Variants in TBL1XR1 observed in about 807,000 individuals in gnomAD.
TBL1XR1 encodes F-box-like/WD repeat-containing protein TBL1XR1.
TBL1XR1 carries 5 observed loss-of-function variants against 66.9 expected under a neutral mutation model. The ratio of observed to expected loss-of-function variants is 0.07; its 90% CI spans 0.04 to 0.16. The LOEUF (loss-of-function observed/expected upper bound fraction) is 0.16, where lower values mean the gene tolerates loss of function less well. Ranked by LOEUF, TBL1XR1 falls within the 10% of genes least tolerant of loss-of-function variation. TBL1XR1 has a pLI of 1.00. For missense variants in TBL1XR1, 238 were observed against 623.2 expected (o/e 0.38, Z 6.58); for synonymous variants, 210 against 206.0 (o/e 1.02, Z -0.17).
At chr3:177,047,193 G>C (rs1234043248) in intron 9 of TBL1XR1, 107 bp downstream of exon 9, 2 of 917,682 alleles carry the variant, frequency 2.2e-6, no homozygotes, top group East Asian at 2.7e-5. Flanking sequence ...ATTCCTATGT[G>C]AATTTCCCAA....
At chr3:177,101,287 A>AT (rs1724180256) in intron 1 of TBL1XR1, among the ~76,000 whole-genome samples, 1 of 149,318 alleles carries the variant, frequency 6.7e-6, no homozygotes, top group Admixed American at 6.7e-5. Context: ...TTTTAGATGC[A>AT]ATTTTTTTTT....
At chr3:177,055,182 T>C (rs1200458744) in intron 3 of TBL1XR1, among the ~76,000 whole-genome samples, 1 of 152,168 alleles carries the variant, frequency 6.6e-6, no homozygotes, top group African/African-American at 2.4e-5. Flanking sequence ...TTTTAGTGTT[T>C]AGTAATGTCT....
In TBL1XR1 at chr3:177,082,980, G is replaced by A. The variant is rs149278043; in HGVS notation, c.-46+15486C>T. On this transcript the variant is annotated intron_variant, in intron 2 of 15. Coordinates refer to ENST00000457928, the MANE Select transcript of TBL1XR1 (RefSeq NM_024665.7). ...TCAACGTGTTAGCCAGGATGGTCTC[G>A]ATCTCCTGACCTCGTGATCCATCCG... Among the ~76,000 whole-genome samples, 242 of 151,120 alleles carry A rather than the reference G, an allele frequency of 1.6e-3. 3 individuals are homozygous for A. The highest frequency in any genetic ancestry group is 3.8e-3 in the African/African-American group (155 of 41,200).
chr3:177,103,636 A>G (rs1724507959), intron 1 of TBL1XR1, among the ~76,000 whole-genome samples: 1 of 152,206 alleles, frequency 6.6e-6, no homozygotes, highest in Non-Finnish European at 1.5e-5. Context: ...TATTTAATTT[A>G]TAGATAACTT....
chr3:177,199,998 G>A (rs1487726687), upstream of TBL1XR1, among the ~76,000 whole-genome samples: 1 of 151,710 alleles, frequency 6.6e-6, no homozygotes, highest in Non-Finnish European at 1.5e-5. Context: ...TTTAGGTGGA[G>A]TTTCGCTCTT....
At chr3:177,086,426 G>C (rs1722127254) in intron 2 of TBL1XR1, among the ~76,000 whole-genome samples, 1 of 151,802 alleles carries the variant, frequency 6.6e-6, no homozygotes, top group African/African-American at 2.4e-5. Context: ...GGTGGGGGAG[G>C]GGAGCCAATA....
rs929365753 is a variant in TBL1XR1 at position 177,025,341 on chromosome 3, A to G, written c.*157T>C. The G allele has an allele frequency of 5.5e-6, 3 of 547,298 alleles. No individual in the cohort carries two copies. The highest frequency in any genetic ancestry group is 9.0e-6 in the Non-Finnish European group (3 of 333,292). The allele number at this position is 547,298 out of a possible 1,614,324, so 33.9% of individuals were successfully genotyped here. A position where few individuals can be genotyped will look rare whatever the true frequency, so the allele number is the denominator to read the frequency against. ...AAAACTCTGTCATCTTCAGGGTGCAATTTTGTTTATATACACTGTATGTAT... is the reference window on the plus strand; with the variant it reads ...AAAACTCTGTCATCTTCAGGGTGCAGTTTTGTTTATATACACTGTATGTAT... On this transcript the variant is annotated 3_prime_UTR_variant, in exon 16 of 16. Coordinates refer to ENST00000457928, the MANE Select transcript of TBL1XR1 (RefSeq NM_024665.7).
chr3:177,141,047 TG>T (rs1320776014), intron 1 of TBL1XR1, among the ~76,000 whole-genome samples: 7 of 152,152 alleles, frequency 4.6e-5, no homozygotes, highest in African/African-American at 1.7e-4. Flanking sequence ...TATATTTAAC[TG>T]GAAAAAGAAA....
Position 177,169,130 on chromosome 3 carries a change from T to TA in TBL1XR1, c.-122+27990dup, listed in dbSNP as rs1400157704. On this transcript the variant is annotated intron_variant, in intron 1 of 15. Coordinates refer to ENST00000457928, the MANE Select transcript of TBL1XR1 (RefSeq NM_024665.7). ...TAGTAATTACATTTTATCATTTTCT[T>TA]AATGTTGTTCATTAATCAATAGCGA... 3.9e-5 allele frequency among the ~76,000 whole-genome samples: 6 copies of TA among 152,326 alleles called. No homozygotes were observed. The South Asian group carries it at 1.2e-3, about 32-fold the overall frequency.
At chr3:177,165,164 CA>C (rs547625073) in intron 1 of TBL1XR1, among the ~76,000 whole-genome samples, 13 of 151,266 alleles carry the variant, frequency 8.6e-5, no homozygotes, top group Admixed American at 3.3e-4. Flanking sequence ...AAAGAACTGA[CA>C]AAAAAAACTC....
At position 177,176,771 on chromosome 3, in the gene TBL1XR1, C is replaced by T. The variant is rs578206872; in HGVS notation, c.-122+20350G>A. On this transcript the variant is annotated intron_variant, in intron 1 of 15. Coordinates refer to ENST00000457928, the MANE Select transcript of TBL1XR1 (RefSeq NM_024665.7). Reference sequence around the variant, plus strand: ...CAGAGGTTGCAGTGAGCCAAGATTGCGCCACTGCACTCCAGCCTGGGCAGA... The same window carrying T: ...CAGAGGTTGCAGTGAGCCAAGATTGTGCCACTGCACTCCAGCCTGGGCAGA... 3.3e-5 allele frequency among the ~76,000 whole-genome samples: 5 copies of T among 152,042 alleles called. No individual in the cohort carries two copies. In the South Asian group the frequency reaches 6.2e-4, roughly 19 times the overall value.
intron 15 of TBL1XR1, among the ~76,000 whole-genome samples, 177 bp from the exon 16 acceptor site, chr3:177,025,701 C>T (rs1385574520): frequency 6.6e-6 from 1 of 152,050 alleles, no homozygotes; most frequent in Non-Finnish European, 1.5e-5. Context: ...ATCATTTAAG[C>T]AGATCAAGAG....
intron 1 of TBL1XR1, among the ~76,000 whole-genome samples, chr3:177,193,468 G>T (rs550510938): frequency 6.6e-6 from 1 of 152,024 alleles, no homozygotes; most frequent in East Asian, 2.0e-4. Context: ...CCGCCACCAC[G>T]CCCAGCTAAT....
At chr3:177,123,183 T>C (rs923218541) in intron 1 of TBL1XR1, among the ~76,000 whole-genome samples, 2 of 152,120 alleles carry the variant, frequency 1.3e-5, no homozygotes, top group African/African-American at 4.8e-5. Context: ...TATATTGTAA[T>C]AGTTTTTTTA....
At position 177,020,365 on chromosome 3, in the gene TBL1XR1, A is replaced by C. The variant is rs921408595; in HGVS notation, c.*5133T>G. ...CTTAGCTGATTAGATGCTCTATTAT[A>C]CTTTAATAAAAATAGTAAATAACCC... On this transcript the variant is annotated 3_prime_UTR_variant, in exon 16 of 16. Coordinates refer to ENST00000457928, the MANE Select transcript of TBL1XR1 (RefSeq NM_024665.7). 6.6e-6 allele frequency: 1 copy of C among 152,202 alleles called. No homozygotes were observed. Among genetic ancestry groups the C allele is most frequent in the Non-Finnish European group, 1.5e-5 (1 of 68,024 alleles). 9.4% of individuals were successfully genotyped at this position (152,202 alleles called of 1,614,324 possible). A position where few individuals can be genotyped will look rare whatever the true frequency, so the allele number is the denominator to read the frequency against.
intron 14 of TBL1XR1, among the ~76,000 whole-genome samples, chr3:177,031,202 A>G (rs879713407): frequency 6.6e-6 from 1 of 152,168 alleles, no homozygotes; most frequent in African/African-American, 2.4e-5. Context: ...AAAATTTAGG[A>G]AAGAGTTTTT....
chr3:177,119,471 A>T (rs545142745), intron 1 of TBL1XR1, among the ~76,000 whole-genome samples: 46 of 152,274 alleles, frequency 3.0e-4, no homozygotes, highest in Non-Finnish European at 4.6e-4. Flanking sequence ...GTAAATAGAC[A>T]TGAATGGTTA....
rs1368558376 is a variant in TBL1XR1 at position 177,197,239 on chromosome 3, G to T, written c.-240C>A. 6.6e-6 allele frequency: 1 copy of T among 152,190 alleles called. No individual in the cohort carries two copies. Among genetic ancestry groups the T allele is most frequent in the Non-Finnish European group, 1.5e-5 (1 of 67,798 alleles). The allele number at this position is 152,190 out of a possible 1,614,324, so 9.4% of individuals were successfully genotyped here. ...CACCCCCAAAATAACCCCTCCGGGG[G>T]GTGAGAGGCAATTATAACCCCAGCG... On this transcript the variant is annotated 5_prime_UTR_variant, in exon 1 of 16. Coordinates refer to ENST00000457928, the MANE Select transcript of TBL1XR1 (RefSeq NM_024665.7).
At chr3:177,195,497 T>C (rs1216130882) in intron 1 of TBL1XR1, 1 of 66,172 alleles carries the variant, frequency 1.5e-5, no homozygotes, top group Non-Finnish European at 4.7e-5. Flanking sequence ...AATACATCAA[T>C]GTAGCATGGG....
Sources: allele counts gnomAD v4.1 joint callset (sites outside exome capture counted in the v4.1 genomes callset), GRCh38; gene constraint gnomAD v4.1.1; transcripts MANE v1.5; gene names NCBI Gene and HGNC (gene_info 2026-07-23, HGNC 2026-07-21).